The following NPAS3 variants were observed in gnomAD, a reference collection of about 807,000 sequenced individuals.
NPAS3 encodes the protein neuronal PAS domain protein 3, also known as neuronal PAS domain-containing protein 3.
Under a neutral mutation model 73.1 loss-of-function variants are expected in NPAS3, and 14 were observed. That is an observed-to-expected ratio of 0.19 (90% CI 0.13 to 0.30). NPAS3 has a LOEUF of 0.30. NPAS3 is among the 10% of genes least tolerant of loss of function. The probability of loss-of-function intolerance (pLI) is 1.00; values close to 1 mark genes in which losing one functional copy is unlikely to be tolerated. For synonymous variants in NPAS3, 620 were observed against 541.5 expected (o/e 1.14, Z -2.01); for missense variants, 1,096 against 1,250.0 (o/e 0.88, Z 1.86).
At chr14:33,602,317 C>T (rs2057423048) in intron 5 of NPAS3, among the ~76,000 whole-genome samples, 1 of 152,210 alleles carries the variant, frequency 6.6e-6, no homozygotes, top group Non-Finnish European at 1.5e-5. Flanking sequence ...ATTAGCCAGA[C>T]TGGAAACCAT....
At chr14:33,108,594 G>A (rs1197256974) in intron 2 of NPAS3, among the ~76,000 whole-genome samples, 2 of 152,170 alleles carry the variant, frequency 1.3e-5, no homozygotes, top group East Asian at 1.9e-4. Flanking sequence ...AGAATCTGCT[G>A]TGACAAATCA....
intron 3 of NPAS3, among the ~76,000 whole-genome samples, chr14:33,304,837 T>C (rs555736740): frequency 6.6e-6 from 1 of 152,302 alleles, no homozygotes; most frequent in South Asian, 2.1e-4. Context: ...TTCCAAGGGT[T>C]GGTGAAATTA....
At chr14:33,057,212 A>T (rs1050991277) in intron 2 of NPAS3, among the ~76,000 whole-genome samples, 3 of 152,230 alleles carry the variant, frequency 2.0e-5, no homozygotes, top group Non-Finnish European at 4.4e-5. Flanking sequence ...ACATGTAGTT[A>T]TCTCTGGCTT....
chr14:33,075,607 G>A (rs938333529), intron 2 of NPAS3, among the ~76,000 whole-genome samples: 4 of 152,238 alleles, frequency 2.6e-5, no homozygotes, highest in Non-Finnish European at 5.9e-5. Context: ...TTTTATAGCA[G>A]CTTCTATTAG....
At chr14:33,339,529 T>C (rs774308174) in intron 3 of NPAS3, among the ~76,000 whole-genome samples, 3 of 152,260 alleles carry the variant, frequency 2.0e-5, no homozygotes, top group Non-Finnish European at 2.9e-5. Flanking sequence ...ATAGTCTATA[T>C]ACTCTGGTCT....
chr14:32,969,333 G>C (rs922882619), intron 1 of NPAS3, among the ~76,000 whole-genome samples: 44 of 152,250 alleles, frequency 2.9e-4, no homozygotes, highest in African/African-American at 9.4e-4. Flanking sequence ...GGTGCGGTGT[G>C]GGTGGGGAGT....
intron 6 of NPAS3, among the ~76,000 whole-genome samples, chr14:33,712,390 C>T (rs2060843570): frequency 6.6e-6 from 1 of 152,188 alleles, no homozygotes; most frequent in Admixed American, 6.5e-5. Flanking sequence ...GCTGTCCACA[C>T]AAGCAAATAA....
chr14:32,962,377 A>G (rs1199656066), intron 1 of NPAS3, among the ~76,000 whole-genome samples: 2 of 152,142 alleles, frequency 1.3e-5, no homozygotes, highest in Non-Finnish European at 2.9e-5. Flanking sequence ...CAAACCACTT[A>G]ATAAGCCATT....
At chr14:32,964,236 T>C (rs1436928727) in intron 1 of NPAS3, among the ~76,000 whole-genome samples, 4 of 150,954 alleles carry the variant, frequency 2.6e-5, no homozygotes, top group Non-Finnish European at 5.9e-5. Flanking sequence ...TACTCTGTGC[T>C]AAGAGTGTTT....
chr14:33,662,307 C>T (rs1340329188), intron 5 of NPAS3, among the ~76,000 whole-genome samples: 1 of 152,186 alleles, frequency 6.6e-6, no homozygotes, highest in Non-Finnish European at 1.5e-5. Flanking sequence ...CTCTTTCTGC[C>T]TGCCCTAGGA....
rs564050636 is a variant in NPAS3, at chr14:33,107,303, G to T, written c.140+51309G>T. Among the ~76,000 whole-genome samples, 5 of 152,010 alleles carry T rather than the reference G, an allele frequency of 3.3e-5. No homozygotes were observed. In the South Asian group the frequency reaches 1.0e-3, roughly 32 times the overall value. ...TACATGTGCAAGTTTTGTCACAAAG[G>T]TATATTGCGTGATGCTGAGGTTTGG... is the stretch of plus-strand genomic sequence containing the variant. On this transcript the variant is annotated intron_variant, in intron 2 of 11. Transcript: ENST00000356141.
chr14:33,448,025 C>T (rs376223441), intron 4 of NPAS3, among the ~76,000 whole-genome samples: 234 of 152,228 alleles, frequency 1.5e-3, no homozygotes, highest in African/African-American at 4.4e-3. Flanking sequence ...GCCTCCAGCA[C>T]GTCTGGCCAG....
intron 2 of NPAS3, among the ~76,000 whole-genome samples, chr14:33,147,730 A>AAAAATATATATATAT (rs372663411): frequency 3.1e-4 from 40 of 130,356 alleles, no homozygotes; most frequent in African/African-American, 1.2e-3. Flanking sequence ...TAGAATAAAA[A>AAAAATATATATATAT]ATATATATAT....
chr14:33,748,656 G>A (rs1156846589), intron 7 of NPAS3, among the ~76,000 whole-genome samples: 1 of 152,190 alleles, frequency 6.6e-6, no homozygotes. Context: ...TACTTGCTCT[G>A]CAATGTCGGA....
At chr14:33,507,852 A>T (rs1006474610) in intron 4 of NPAS3, among the ~76,000 whole-genome samples, 1 of 152,026 alleles carries the variant, frequency 6.6e-6, no homozygotes, top group African/African-American at 2.4e-5. Context: ...TGGTACACAC[A>T]CATAAGCACT....
intron 4 of NPAS3, among the ~76,000 whole-genome samples, chr14:33,395,689 A>G (rs546467079): frequency 2.6e-5 from 4 of 152,270 alleles, no homozygotes; most frequent in African/African-American, 2.4e-5. Flanking sequence ...CACTATTTCA[A>G]TAGCTCCCTC....
At chr14:33,550,257 G>T (rs1049194997) in intron 4 of NPAS3, among the ~76,000 whole-genome samples, 2 of 152,100 alleles carry the variant, frequency 1.3e-5, no homozygotes, top group East Asian at 1.9e-4. Flanking sequence ...GGGCTCACAC[G>T]ATTCTCCTGC....
In NPAS3 at chr14:33,391,187, CTTTT is replaced by C. The variant is rs370631048; in HGVS notation, c.468+23939_468+23942del. 4.2e-4 allele frequency among the ~76,000 whole-genome samples: 46 copies of C among 109,814 alleles called. No homozygotes were observed. The South Asian group carries it at 0.011, about 26-fold the overall frequency. The allele number at this position is 109,814 out of a possible 152,430, so 72.0% of individuals were successfully genotyped here. A position where few individuals can be genotyped will look rare whatever the true frequency, so the allele number is the denominator to read the frequency against. On this transcript the variant is annotated intron_variant, in intron 4 of 11. Coordinates refer to ENST00000356141, the Ensembl canonical transcript of NPAS3. ...AAAATCCTCATTCTTTGGCCCATAT[CTTTT>C]TTTTTTTTTTTTTTTTTTTGAGAAA...
intron 1 of NPAS3, among the ~76,000 whole-genome samples, chr14:32,941,866 T>G (rs991965233): frequency 6.6e-6 from 1 of 152,200 alleles, no homozygotes; most frequent in East Asian, 1.9e-4. Flanking sequence ...AAACAGTTGT[T>G]TTATGCCCCA....
Sources: allele counts gnomAD v4.1 joint callset (sites outside exome capture counted in the v4.1 genomes callset), GRCh38; gene constraint gnomAD v4.1.1; transcripts MANE v1.5; gene names NCBI Gene and HGNC (gene_info 2026-07-23, HGNC 2026-07-21).